The following PARVB variants were observed in gnomAD, a reference collection of about 807,000 sequenced individuals.
PARVB encodes beta-parvin.
PARVB carries 46 observed loss-of-function variants against 47.0 expected under a neutral mutation model. The observed-to-expected ratio is 0.98, with a 90% CI of 0.77 to 1.25. PARVB has a LOEUF of 1.25. Among genes scored for constraint, PARVB ranks in the 50% most tolerant of loss-of-function variants. The pLI, the probability that PARVB is intolerant of heterozygous loss-of-function variation, is 0.00. For synonymous variants in PARVB, 196 were observed against 196.3 expected (o/e 1.00, Z 0.01); for missense variants, 473 against 471.6 (o/e 1.00, Z -0.03).
chr22:44,099,886 G>A (rs2052400403), intron 2 of PARVB, among the ~76,000 whole-genome samples, 167 bp from the exon 3 acceptor site: 1 of 152,184 alleles, frequency 6.6e-6, no homozygotes, highest in Admixed American at 6.5e-5. Context: ...GGGAAGGCGG[G>A]AGGATGCCCC....
Position 44,155,090 on chromosome 22 carries a change from G to C in PARVB, c.844-2892G>C, listed in dbSNP as rs56267826. Among the ~76,000 whole-genome samples the C allele has an allele frequency of 6.6e-6, 1 of 151,286 alleles. No individual in the cohort carries two copies. Among genetic ancestry groups the C allele is most frequent in the Admixed American group, 6.6e-5 (1 of 15,148 alleles). ...GTAGTCTGTGTGGTGTGTGTGTGGT[G>C]TAGGTGTGTGTTTTCCCTCCTTTTC... On this transcript the variant is annotated intron_variant, in intron 10 of 12. Transcript: ENST00000338758. This position sits in a 1 kb window ranked among gnomAD's most constrained non-coding sequence, Gnocchi z 4.8.
intron 1 of PARVB, among the ~76,000 whole-genome samples, chr22:44,038,507 G>C (rs925808071): frequency 6.6e-6 from 1 of 152,108 alleles, no homozygotes; most frequent in East Asian, 1.9e-4. Flanking sequence ...GGGGCCGGGC[G>C]TGGTGGCTCA....
chr22:44,170,158 G>A lies in PARVB; in HGVS notation c.*1480G>A, dbSNP rs2054252283. ...GGGGACCACAAGTGCACACCACTAG[G>A]CCCATCTAATTTTTGTATTTTTTGT... On this transcript the variant is annotated 3_prime_UTR_variant, in exon 13 of 13. Transcript: ENST00000338758. The A allele has an allele frequency of 6.6e-6, 1 of 151,132 alleles. No homozygotes were observed. Among genetic ancestry groups the A allele is most frequent in the Admixed American group, 6.6e-5 (1 of 15,178 alleles). The allele number at this position is 151,132 out of a possible 1,614,324, so 9.4% of individuals were successfully genotyped here.
chr22:44,069,226 T>A, intron 1 of PARVB: 1 of 1,437,170 alleles, frequency 7.0e-7, no homozygotes, highest in African/African-American at 1.4e-5. Flanking sequence ...CCTTCTTTTC[T>A]TTTCTGCTTT....
Position 44,068,033 on chromosome 22 carries a change from C to T in PARVB, c.113-25895C>T, listed in dbSNP as rs2146971615. On this transcript the variant is annotated intron_variant, in intron 1 of 12. Coordinates refer to ENST00000338758, the MANE Select transcript of PARVB (RefSeq NM_013327.5). The surrounding 1 kb of genome is among the most constrained non-coding windows in gnomAD (Gnocchi z 4.1). ...GCATGTCCCAGTCCACTGCCTGCCC[C>T]AGAGCCCCGCCTGGAGCACCTGCTG... Among the ~76,000 whole-genome samples, 1 of 152,284 alleles carries T rather than the reference C, an allele frequency of 6.6e-6. No homozygotes were observed. The highest frequency in any genetic ancestry group is 2.4e-5 in the African/African-American group (1 of 41,578).
chr22:44,147,811 C>T (rs1569153775), intron 8 of PARVB, 50 bp from the exon 9 acceptor site: 1 of 1,527,328 alleles, frequency 6.5e-7, no homozygotes. Flanking sequence ...TAGGGCAGCA[C>T]CACGGGTTTC....
chr22:44,088,623 T>A (rs1158939583), intron 1 of PARVB, among the ~76,000 whole-genome samples: 1 of 152,102 alleles, frequency 6.6e-6, no homozygotes, highest in Non-Finnish European at 1.5e-5. Flanking sequence ...AGGCGCCCAC[T>A]GCCACGCCTG....
At chr22:44,025,234 G>T in intron 1 of PARVB, among the ~76,000 whole-genome samples, 1 of 152,132 alleles carries the variant, frequency 6.6e-6, no homozygotes, top group Non-Finnish European at 1.5e-5. Flanking sequence ...CCTCAGGTGG[G>T]TCCCCGGGAA....
chr22:44,050,155 G>A (rs969030846), intron 1 of PARVB, among the ~76,000 whole-genome samples: 2 of 152,136 alleles, frequency 1.3e-5, no homozygotes, highest in African/African-American at 4.8e-5. Flanking sequence ...CTGTCCTGCT[G>A]CCACTGCCTT....
intron 1 of PARVB, among the ~76,000 whole-genome samples, chr22:44,031,079 C>CA (rs146308279): frequency 0.014 from 2,151 of 152,256 alleles, 49 homozygotes; most frequent in African/African-American, 0.05. Flanking sequence ...AAGAGAAAGA[C>CA]AATTCCACAC....
At chr22:44,061,850 C>T (rs2051426255) in intron 1 of PARVB, among the ~76,000 whole-genome samples, 1 of 152,114 alleles carries the variant, frequency 6.6e-6, no homozygotes, top group African/African-American at 2.4e-5. Context: ...CTCCTGACCT[C>T]AGGCGATCCA....
At chr22:44,058,981 G>T (rs1032512276) in intron 1 of PARVB, among the ~76,000 whole-genome samples, 2 of 70,680 alleles carry the variant, frequency 2.8e-5, no homozygotes, top group East Asian at 2.0e-4. Flanking sequence ...AGGGTGTGAT[G>T]GGGGGGGGAA....
intron 1 of PARVB, among the ~76,000 whole-genome samples, chr22:44,078,497 G>A (rs562564031): frequency 7.9e-5 from 12 of 152,268 alleles, no homozygotes; most frequent in Non-Finnish European, 1.3e-4. Flanking sequence ...CCTAGTAAAA[G>A]GCTCTGGTCC....
chr22:44,086,949 C>A, intron 1 of PARVB: 1 of 489,260 alleles, frequency 2.0e-6, no homozygotes, highest in Non-Finnish European at 2.7e-6. Flanking sequence ...TGCCCCCTCC[C>A]CAGCTGGGAA....
chr22:44,156,568 C>T (rs1405490331), intron 10 of PARVB, among the ~76,000 whole-genome samples: 5 of 152,118 alleles, frequency 3.3e-5, no homozygotes, highest in African/African-American at 1.2e-4. Context: ...TGAGCCACTG[C>T]GCCTAGAAGT....
At chr22:44,050,132 G>A (rs2051182058) in intron 1 of PARVB, among the ~76,000 whole-genome samples, 1 of 152,158 alleles carries the variant, frequency 6.6e-6, no homozygotes, top group Non-Finnish European at 1.5e-5. Flanking sequence ...GCAGAGTCTC[G>A]TTGGCGGCTC....
chr22:44,097,933 CAAG>C (rs2052347843), intron 2 of PARVB, among the ~76,000 whole-genome samples: 1 of 152,178 alleles, frequency 6.6e-6, no homozygotes, highest in South Asian at 2.1e-4. Flanking sequence ...CAGGACCCCT[CAAG>C]AAGCACACAG....
At chr22:44,042,045 C>G (rs2051028253) in intron 1 of PARVB, among the ~76,000 whole-genome samples, 1 of 152,160 alleles carries the variant, frequency 6.6e-6, no homozygotes, top group African/African-American at 2.4e-5. Context: ...AGAGAAGAGA[C>G]CAGGGGCTGG....
chr22:44,069,659 G>A (rs1223828189), intron 1 of PARVB, among the ~76,000 whole-genome samples: 3 of 152,116 alleles, frequency 2.0e-5, no homozygotes, highest in East Asian at 1.9e-4. Flanking sequence ...CTCCCAAGTA[G>A]CTGGGATTAC....
Sources: gnomAD v4.1 joint callset for allele counts (sites outside exome capture counted in the v4.1 genomes callset) on GRCh38, gnomAD v4.1.1 for gene constraint, Gnocchi (gnomAD v3.1) non-coding constraint, MANE v1.5 for transcripts, NCBI Gene and HGNC (gene_info 2026-07-23, HGNC 2026-07-21) for gene names.